Variants in GLIS3 observed in about 807,000 individuals in gnomAD.
GLIS3 encodes GLIS family zinc finger 3, also known as zinc finger protein GLIS3.
In GLIS3, 53 loss-of-function variants were observed where a neutral mutation model predicts 78.6. The observed-to-expected ratio is 0.67, with a 90% CI of 0.54 to 0.85. The LOEUF (loss-of-function observed/expected upper bound fraction) is 0.85, where lower values mean the gene tolerates loss of function less well. Among genes scored for constraint, GLIS3 ranks in the 40% least tolerant of loss-of-function variants. The pLI, the probability that GLIS3 is intolerant of heterozygous loss-of-function variation, is 0.00. For missense variants in GLIS3, 1,703 were observed against 1,231.1 expected (o/e 1.38, Z -5.74); for synonymous variants, 684 against 509.9 (o/e 1.34, Z -4.60).
chr9:4,137,983 G>C (rs1199096742), intron 2 of GLIS3, among the ~76,000 whole-genome samples: 1 of 152,230 alleles, frequency 6.6e-6, no homozygotes, highest in Non-Finnish European at 1.5e-5. Context: ...AACACCAGCA[G>C]AGGCACAACT....
chr9:4,159,654 G>A (rs1259862751), intron 2 of GLIS3, among the ~76,000 whole-genome samples: 1 of 152,058 alleles, frequency 6.6e-6, no homozygotes, highest in Admixed American at 6.5e-5. Flanking sequence ...GGGAGGCAGA[G>A]GTTGCAGTGA....
chr9:4,328,149 T>G (rs948851361), intron 2 of GLIS3, among the ~76,000 whole-genome samples: 2 of 152,142 alleles, frequency 1.3e-5, no homozygotes, highest in Non-Finnish European at 2.9e-5. Flanking sequence ...GGGGATCCAG[T>G]GCCAGTAAGT....
the GLIS3 span, among the ~76,000 whole-genome samples, chr9:4,469,312 C>T: frequency 6.6e-6 from 1 of 152,146 alleles, no homozygotes; most frequent in African/African-American, 2.4e-5. Flanking sequence ...GAACCCTCCA[C>T]CCCAAATCAA....
intron 2 of GLIS3, among the ~76,000 whole-genome samples, chr9:4,190,105 A>C (rs1009548949): frequency 5.9e-5 from 9 of 152,218 alleles, no homozygotes; most frequent in Non-Finnish European, 1.2e-4. Context: ...GAAAAACTGG[A>C]AACTCTAAAA....
chr9:3,980,736 T>C (rs1352946971), intron 4 of GLIS3, among the ~76,000 whole-genome samples: 1 of 152,226 alleles, frequency 6.6e-6, no homozygotes, highest in Non-Finnish European at 1.5e-5. Context: ...TTTAAGAATG[T>C]GCCTAGAAAG....
intron 2 of GLIS3, among the ~76,000 whole-genome samples, chr9:4,323,631 C>T (rs1464908411): frequency 6.6e-6 from 1 of 152,196 alleles, no homozygotes; most frequent in Non-Finnish European, 1.5e-5. Context: ...CTAGGTCAGA[C>T]CCCCTTATTT....
At chr9:4,221,038 A>C (rs1821287762) in intron 2 of GLIS3, among the ~76,000 whole-genome samples, 1 of 152,154 alleles carries the variant, frequency 6.6e-6, no homozygotes, top group Non-Finnish European at 1.5e-5. Context: ...TAGTGCAAAA[A>C]GGAAAGGGAA....
At chr9:4,453,185 G>A in the GLIS3 span, among the ~76,000 whole-genome samples, 1 of 151,980 alleles carries the variant, frequency 6.6e-6, no homozygotes, top group Non-Finnish European at 1.5e-5. Flanking sequence ...AGACTTAAAT[G>A]TTAGACCTAA....
the GLIS3 span, among the ~76,000 whole-genome samples, chr9:4,436,000 C>T: frequency 3.9e-5 from 6 of 152,076 alleles, no homozygotes; most frequent in Non-Finnish European, 8.8e-5. Context: ...AAATCTTCCC[C>T]TAAATTATCT....
the GLIS3 span, among the ~76,000 whole-genome samples, chr9:4,462,065 T>C: frequency 6.6e-6 from 1 of 152,210 alleles, no homozygotes; most frequent in Non-Finnish European, 1.5e-5. Context: ...AGTTGGCATG[T>C]CTGTGTTACA....
At chr9:3,836,098 C>T (rs924699578) in intron 9 of GLIS3, among the ~76,000 whole-genome samples, 10 of 152,198 alleles carry the variant, frequency 6.6e-5, no homozygotes, top group African/African-American at 1.4e-4. Context: ...CTTTGTTTGG[C>T]CCTGTCTGCT....
chr9:4,140,030 A>C (rs532681580), intron 2 of GLIS3, among the ~76,000 whole-genome samples: 1 of 152,316 alleles, frequency 6.6e-6, no homozygotes, highest in African/African-American at 2.4e-5. Context: ...CCAATTCTTC[A>C]TATTAGATAT....
At chr9:4,255,744 T>C (rs1349231954) in intron 2 of GLIS3, among the ~76,000 whole-genome samples, 1 of 152,058 alleles carries the variant, frequency 6.6e-6, no homozygotes, top group Non-Finnish European at 1.5e-5. Flanking sequence ...ACAGAGGATT[T>C]TTAGGGCAGT....
intron 4 of GLIS3, among the ~76,000 whole-genome samples, chr9:3,967,040 A>AAG (rs1226736845): frequency 0.071 from 9,212 of 129,398 alleles, 1,250 homozygotes; most frequent in East Asian, 0.27. Flanking sequence ...AAAACAAAAA[A>AAG]ACATTTTGAG....
intron 6 of GLIS3, among the ~76,000 whole-genome samples, chr9:3,917,693 C>G (rs779804941): frequency 1.3e-5 from 2 of 151,938 alleles, no homozygotes; most frequent in Non-Finnish European, 2.9e-5. Context: ...CAGGGCCCCA[C>G]TGAAACGACC....
chr9:4,030,361 G>C lies in GLIS3; in HGVS notation c.1710+87407C>G, dbSNP rs1823728616. Reference sequence around the variant, plus strand: ...TCTGGTAGTTAATCCCTTGTCAAATGGGTAGTTTGAAAATATTTTCTCCCA... The same window carrying C: ...TCTGGTAGTTAATCCCTTGTCAAATCGGTAGTTTGAAAATATTTTCTCCCA... On this transcript the variant is annotated intron_variant, in intron 4 of 10. Coordinates refer to ENST00000381971, the MANE Select transcript of GLIS3 (RefSeq NM_001042413.2). Among the ~76,000 whole-genome samples the C allele has an allele frequency of 2.0e-5, 3 of 152,234 alleles. No homozygotes were observed. In the East Asian group the frequency reaches 5.8e-4, roughly 29 times the overall value.
At chr9:4,336,447 T>C (rs1817758778) in intron 2 of GLIS3, among the ~76,000 whole-genome samples, 1 of 152,154 alleles carries the variant, frequency 6.6e-6, no homozygotes, top group Non-Finnish European at 1.5e-5. Context: ...TCCCTTAGGA[T>C]CATTGCTACA....
rs577029046 is a variant in GLIS3, at chr9:4,143,661, C to A, written c.389-17720G>T. 9.8e-5 allele frequency among the ~76,000 whole-genome samples: 15 copies of A among 152,310 alleles called. No homozygotes were observed. In the South Asian group the frequency reaches 3.1e-3, roughly 32 times the overall value. ...CTATGGTCACCACATTGTGCATGAG[C>A]AATCTCCAGAACTTATTCGTCTTGC... is the stretch of plus-strand genomic sequence containing the variant. On this transcript the variant is annotated intron_variant, in intron 2 of 10. Transcript: ENST00000381971.
At chr9:3,933,042 C>T (rs1563865230) in intron 5 of GLIS3, 1 of 238,562 alleles carries the variant, frequency 4.2e-6, no homozygotes, top group Non-Finnish European at 8.5e-6. Context: ...ATATTAGTTG[C>T]AGAGGTGTCC....
Sources: allele counts gnomAD v4.1 joint callset (sites outside exome capture counted in the v4.1 genomes callset), GRCh38; gene constraint gnomAD v4.1.1; transcripts MANE v1.5; gene names NCBI Gene and HGNC (gene_info 2026-07-23, HGNC 2026-07-21).